KCNJ11: variants seen among roughly 807,000 people sequenced by gnomAD.
KCNJ11 encodes the protein ATP-sensitive inward rectifier potassium channel 11.
Under a neutral mutation model 17.3 loss-of-function variants are expected in KCNJ11, and 12 were observed. The observed-to-expected ratio is 0.69, with a 90% CI of 0.44 to 1.12. The LOEUF (loss-of-function observed/expected upper bound fraction) is 1.12. KCNJ11 is among the 50% of genes most tolerant of loss of function. KCNJ11 has a pLI of 0.00. For missense variants in KCNJ11, 386 were observed against 554.1 expected (o/e 0.70, Z 3.05); for synonymous variants, 211 against 223.4 (o/e 0.94, Z 0.50).
In KCNJ11 at chr11:17,386,861, C is replaced by T. The variant is rs1953564724; in HGVS notation, c.*58G>A. The stretch of plus-strand genomic sequence containing the variant: ...AGCCTCACACCAGGCCCTGGCCGGG[C>T]TACATACCACATGGTCCGTGTGTAC... On this transcript the variant is annotated 3_prime_UTR_variant, in exon 1 of 1. Transcript: ENST00000339994. 6 of 1,504,486 alleles carry T rather than the reference C, an allele frequency of 4.0e-6. No homozygotes were observed. Among genetic ancestry groups the T allele is most frequent in the Non-Finnish European group, 5.4e-6 (6 of 1,106,114 alleles). 93.2% of individuals were successfully genotyped at this position (1,504,486 alleles called of 1,614,324 possible).
chr11:17,388,962 G>A (rs1265069010), upstream of KCNJ11: 12 of 419,268 alleles, frequency 2.9e-5, no homozygotes, highest in Non-Finnish European at 3.9e-5. Flanking sequence ...GCCGCTTTCC[G>A]GATCCCCCTC....
chr11:17,388,303 C>G lies in KCNJ11; in HGVS notation c.-212G>C. Reference sequence around the variant, plus strand: ...TCACTTCTTAATACCAGCCTCAGGCCGGGCGCGGTGGCTCACGCCTGTAAT... The same window carrying G: ...TCACTTCTTAATACCAGCCTCAGGCGGGGCGCGGTGGCTCACGCCTGTAAT... On this transcript the variant is annotated 5_prime_UTR_variant, in exon 1 of 1. Transcript: ENST00000339994. 1 of 594,948 alleles carries G rather than the reference C, an allele frequency of 1.7e-6. No individual in the cohort carries two copies. The highest frequency in any genetic ancestry group is 1.9e-5 in the African/African-American group (1 of 53,708). The allele number at this position is 594,948 out of a possible 1,614,324, so 36.9% of individuals were successfully genotyped here.
rs1591694090 is a variant in KCNJ11 at position 17,386,692 on chromosome 11, T to G, written c.*227A>C. ...TGCAGCCTTGGGCGGGGGAGAGGGG[T>G]GAGCCAGTCCTGAATTGGGTTGGGA... On this transcript the variant is annotated 3_prime_UTR_variant, in exon 1 of 1. Transcript: ENST00000339994. 1.8e-6 allele frequency: 1 copy of G among 551,090 alleles called. No individual in the cohort carries two copies. 34.1% of individuals were successfully genotyped at this position (551,090 alleles called of 1,614,324 possible).
At position 17,387,076 on chromosome 11, in the gene KCNJ11, A is replaced by C. The variant is rs138125678; in HGVS notation, c.1016T>G (p.Val339Gly). The change falls in exon 1 of 1, where the codon GTG (valine) becomes GGG (glycine). Residue 339 changes from valine (V) to glycine (G), a missense_variant. Val to Gly is a moderately radical substitution (Grantham distance 109). Transcript: ENST00000339994. ...DYSKFGNTVK[V>G]PTPLCTARQL... ...GCGGGCCGTGCAGAGTGGTGTGGGC[A>C]CTTTGACGGTGTTGCCAAACTTGGA... The C allele has an allele frequency of 5.0e-6, 8 of 1,614,184 alleles. No individual in the cohort carries two copies. The highest frequency in any genetic ancestry group is 6.8e-6 in the Non-Finnish European group (8 of 1,180,014).
Position 17,386,761 on chromosome 11 carries a change from C to T in KCNJ11, c.*158G>A. 4 of 659,464 alleles carry T rather than the reference C, an allele frequency of 6.1e-6. No homozygotes were observed. Among genetic ancestry groups the T allele is most frequent in the Non-Finnish European group, 1.0e-5 (4 of 387,906 alleles). The allele number at this position is 659,464 out of a possible 1,614,324, so 40.9% of individuals were successfully genotyped here. A position where few individuals can be genotyped will look rare whatever the true frequency, so the allele number is the denominator to read the frequency against. On this transcript the variant is annotated 3_prime_UTR_variant, in exon 1 of 1. Transcript: ENST00000339994. ...ACCCAGTACAGGTTCCTGCTGAGGCCAGAAATAGCATAGTGACAAGTGCCT... is the reference window on the plus strand; with the variant it reads ...ACCCAGTACAGGTTCCTGCTGAGGCTAGAAATAGCATAGTGACAAGTGCCT...
chr11:17,388,137 C>A lies in KCNJ11; in HGVS notation c.-46G>T, dbSNP rs756707717. The A allele has an allele frequency of 1.3e-6, 2 of 1,580,646 alleles. No homozygotes were observed. Among genetic ancestry groups the A allele is most frequent in the Non-Finnish European group, 1.7e-6 (2 of 1,155,592 alleles). On this transcript the variant is annotated 5_prime_UTR_variant, in exon 1 of 1. Coordinates refer to ENST00000339994, the MANE Select transcript of KCNJ11 (RefSeq NM_000525.4). ...AGGGGCTTCCCCCATCGGAGGCACC[C>A]CTCGGACGTGGCCTAGGGCCTCACT...
chr11:17,386,885 A>C lies in KCNJ11; in HGVS notation c.*34T>G. ...GCTACATACCACATGGTCCGTGTGT[A>C]CACACGCGTGTGGGGGGCCCGAGAG... On this transcript the variant is annotated 3_prime_UTR_variant, in exon 1 of 1. Transcript: ENST00000339994. The C allele has an allele frequency of 6.3e-7, 1 of 1,581,510 alleles. No homozygotes were observed. Among genetic ancestry groups the C allele is most frequent in the Non-Finnish European group, 8.6e-7 (1 of 1,159,136 alleles).
Position 17,387,858 on chromosome 11 carries a change from G to C in KCNJ11, c.234C>G (p.Ser78=). The C allele has an allele frequency of 6.2e-7, 1 of 1,613,132 alleles. No individual in the cohort carries two copies. The highest frequency in any genetic ancestry group is 8.5e-7 in the Non-Finnish European group (1 of 1,179,190). Residue 78 remains serine, a synonymous_variant, in exon 1 of 1, where the codon TCC becomes TCG. Coordinates refer to ENST00000339994, the MANE Select transcript of KCNJ11 (RefSeq NM_000525.4). ...WPHTLLIFTM[S]FLCSWLLFAM... is the part of the protein sequence containing the mutation. ...CGAAGAGCAGCCAGCTGCACAGGAAGGACATGGTGAAGATGAGCAATGTGT... is the reference window on the plus strand; with the variant it reads ...CGAAGAGCAGCCAGCTGCACAGGAACGACATGGTGAAGATGAGCAATGTGT...
Position 17,386,826 on chromosome 11 carries a change from A to T in KCNJ11, c.*93T>A. On this transcript the variant is annotated 3_prime_UTR_variant, in exon 1 of 1. Transcript: ENST00000339994. Reference sequence around the variant, plus strand: ...TGAGCAGCAGGGGGAGGCTGAGCTGAGGCTGGCCCAGCCTCACACCAGGCC... The same window carrying T: ...TGAGCAGCAGGGGGAGGCTGAGCTGTGGCTGGCCCAGCCTCACACCAGGCC... 8.9e-7 allele frequency: 1 copy of T among 1,123,964 alleles called. No homozygotes were observed. Among genetic ancestry groups the T allele is most frequent in the Non-Finnish European group, 1.3e-6 (1 of 787,264 alleles). The allele number at this position is 1,123,964 out of a possible 1,614,324, so 69.6% of individuals were successfully genotyped here.
Position 17,385,312 on chromosome 11 carries a change from A to G in KCNJ11, c.*1607T>C, listed in dbSNP as rs1953540812. Among the ~76,000 whole-genome samples the G allele has an allele frequency of 6.6e-6, 1 of 152,242 alleles. No individual in the cohort carries two copies. The highest frequency in any genetic ancestry group is 1.5e-5 in the Non-Finnish European group (1 of 68,044). ...TTCAGCAGCAATCACAATAGTTAACATTTATTGAGCACTTACTGTAGACCA... is the reference window on the plus strand; with the variant it reads ...TTCAGCAGCAATCACAATAGTTAACGTTTATTGAGCACTTACTGTAGACCA... On this transcript the variant is annotated 3_prime_UTR_variant, in exon 1 of 1. Coordinates refer to ENST00000339994, the MANE Select transcript of KCNJ11 (RefSeq NM_000525.4).
Position 17,388,104 on chromosome 11 carries a change from C to A in KCNJ11, c.-13G>T, listed in dbSNP as rs1457116876. The stretch of plus-strand genomic sequence containing the variant: ...TGCGGGACAGCATGGCTCCGGTGAC[C>A]CCCAGGGAGGGGCTTCCCCCATCGG... On this transcript the variant is annotated 5_prime_UTR_variant, in exon 1 of 1. Coordinates refer to ENST00000339994, the MANE Select transcript of KCNJ11 (RefSeq NM_000525.4). 3 of 1,606,074 alleles carry A rather than the reference C, an allele frequency of 1.9e-6. No homozygotes were observed. The South Asian group carries it at 3.3e-5, about 18-fold the overall frequency.
At position 17,387,828 on chromosome 11, in the gene KCNJ11, C is replaced by A. The variant is rs1554901866; in HGVS notation, c.264G>T (p.Met88Ile). 1 of 1,614,032 alleles carries A rather than the reference C, an allele frequency of 6.2e-7. No individual in the cohort carries two copies. The highest frequency in any genetic ancestry group is 8.5e-7 in the Non-Finnish European group (1 of 1,179,942). Residue 88 changes from methionine (M) to isoleucine (I), a missense_variant, in exon 1 of 1, where the codon ATG (methionine) becomes ATT (isoleucine). By Grantham distance (10) the Met-to-Ile change is conservative (BLOSUM62 1). Coordinates refer to ENST00000339994, the MANE Select transcript of KCNJ11 (RefSeq NM_000525.4). ...GGGCGAAGGCGATGAGCCACCAGGC[C>A]ATGGCGAAGAGCAGCCAGCTGCACA... ...SFLCSWLLFA[M>I]AWWLIAFAHG...
Position 17,387,923 on chromosome 11 carries a change from G to C in KCNJ11, c.169C>G (p.Gln57Glu). The stretch of plus-strand genomic sequence containing the variant: ...TCCACCAGCGTGGTGAACACGTCCT[G>C]CAGGAAGCGGCCCTGCTCCCGGATG... Reference protein sequence around the residue: ...KNIREQGRFLQDVFTTLVDLK... With the variant: ...KNIREQGRFLEDVFTTLVDLK... Residue 57 changes from glutamine to glutamate, a missense_variant, in exon 1 of 1, where the codon CAG becomes GAG. Coordinates refer to ENST00000339994, the MANE Select transcript of KCNJ11 (RefSeq NM_000525.4). The C allele has an allele frequency of 6.2e-7, 1 of 1,610,480 alleles. No homozygotes were observed. Among genetic ancestry groups the C allele is most frequent in the Admixed American group, 1.7e-5 (1 of 59,976 alleles).
rs369179692 is a variant in KCNJ11, at chr11:17,387,140, T to C, written c.952A>G (p.Ile318Val). ...TAACGTCCGTCCTCCTCAGCTACAA[T>C]GGGCACAAAGCGCTGGCCCCACAGG... ...EILWGQRFVP[I>V]VAEEDGRYSV... The change falls in exon 1 of 1, where the codon ATT becomes GTT. Residue 318 changes from isoleucine to valine, a missense_variant. Physicochemically the swap from Ile to Val is conservative, Grantham distance 29. Transcript: ENST00000339994. 1.1e-5 allele frequency: 17 copies of C among 1,614,064 alleles called. No homozygotes were observed. The African/African-American group carries it at 1.5e-4, about 14-fold the overall frequency.
At position 17,388,156 on chromosome 11, in the gene KCNJ11, C is replaced by T; in HGVS notation, c.-65G>A. 6.8e-7 allele frequency: 1 copy of T among 1,473,460 alleles called. No individual in the cohort carries two copies. The highest frequency in any genetic ancestry group is 9.4e-7 in the Non-Finnish European group (1 of 1,061,448). 91.3% of individuals were successfully genotyped at this position (1,473,460 alleles called of 1,614,324 possible). On this transcript the variant is annotated 5_prime_UTR_variant, in exon 1 of 1. Transcript: ENST00000339994. ...GGCACCCCTCGGACGTGGCCTAGGG[C>T]CTCACTGCAGAGTCCTCTCGGTGGG...
rs1249731131 is a variant in KCNJ11, at chr11:17,387,365, C to T, written c.727G>A (p.Gly243Ser). 18 of 1,613,976 alleles carry T rather than the reference C, an allele frequency of 1.1e-5. No individual in the cohort carries two copies. Among genetic ancestry groups the T allele is most frequent in the Admixed American group, 6.7e-5 (4 of 60,012 alleles). Residue 243 changes from glycine (G) to serine (S), a missense_variant, in exon 1 of 1, where the codon GGC (glycine) becomes AGC (serine). Physicochemically the swap from Gly to Ser is moderately conservative, Grantham distance 56 (BLOSUM62 0). Transcript: ENST00000339994. ...LHQVDIPMEN[G>S]VGGNSIFLVA... ...AGGAAGATGCTGTTGCCACCCACGCCGTTCTCCATGGGGATGTCCACCTGG... is the reference window on the plus strand; with the variant it reads ...AGGAAGATGCTGTTGCCACCCACGCTGTTCTCCATGGGGATGTCCACCTGG...
Position 17,386,918 on chromosome 11 carries a change from C to A in KCNJ11, c.*1G>T, listed in dbSNP as rs1953566363. 1 of 1,611,432 alleles carries A rather than the reference C, an allele frequency of 6.2e-7. No homozygotes were observed. The highest frequency in any genetic ancestry group is 8.5e-7 in the Non-Finnish European group (1 of 1,178,722). ...GTGTGGGGGGCCCGAGAGACCATGG[C>A]TCAGGACAGGGAATCTGGAGAGATG... is the stretch of plus-strand genomic sequence containing the variant. On this transcript the variant is annotated 3_prime_UTR_variant, in exon 1 of 1. Coordinates refer to ENST00000339994, the MANE Select transcript of KCNJ11 (RefSeq NM_000525.4).
rs104894248 is a variant in KCNJ11 at position 17,387,316 on chromosome 11, T to C, written c.776A>G (p.His259Arg). The C allele has an allele frequency of 1.1e-5, 17 of 1,613,688 alleles. No homozygotes were observed. The Admixed American group carries it at 2.3e-4, about 22-fold the overall frequency. ...IFLVAPLIIY[H>R]VIDANSPLYD... ...GAGTGGGCTGTTGGCATCAATGACA[T>C]GGTAGATGATCAGCGGGGCCACCAG... Residue 259 changes from histidine to arginine, a missense_variant, in exon 1 of 1, where the codon CAT (histidine) becomes CGT (arginine). His to Arg is a conservative substitution (Grantham distance 29, BLOSUM62 0). Coordinates refer to ENST00000339994, the MANE Select transcript of KCNJ11 (RefSeq NM_000525.4).
Position 17,388,290 on chromosome 11 carries a change from A to G in KCNJ11, c.-199T>C. On this transcript the variant is annotated 5_prime_UTR_variant, in exon 1 of 1. Coordinates refer to ENST00000339994, the MANE Select transcript of KCNJ11 (RefSeq NM_000525.4). ...CCTGGGTCCCACTTCACTTCTTAAT[A>G]CCAGCCTCAGGCCGGGCGCGGTGGC... The G allele has an allele frequency of 1.7e-6, 1 of 596,684 alleles. No homozygotes were observed. The highest frequency in any genetic ancestry group is 3.0e-6 in the Non-Finnish European group (1 of 330,392). 37.0% of individuals were successfully genotyped at this position (596,684 alleles called of 1,614,324 possible).
Sources: gnomAD v4.1 joint callset for allele counts (sites outside exome capture counted in the v4.1 genomes callset) on GRCh38, gnomAD v4.1.1 for gene constraint, MANE v1.5 for transcripts, NCBI Gene and HGNC (gene_info 2026-07-23, HGNC 2026-07-21) for gene names.